The following RIOK1 variants were observed in gnomAD, a reference collection of about 807,000 sequenced individuals.
RIOK1 encodes serine/threonine-protein kinase RIO1.
RIOK1 carries 66 observed loss-of-function variants against 73.5 expected under a neutral mutation model. The observed-to-expected ratio is 0.90, with a 90% CI of 0.74 to 1.10. The LOEUF (loss-of-function observed/expected upper bound fraction) is 1.10, where lower values mean the gene tolerates loss of function less well. Ranked by LOEUF, RIOK1 falls within the 50% of genes least tolerant of loss-of-function variation. The pLI, the probability that RIOK1 is intolerant of heterozygous loss-of-function variation, is 0.00. For missense variants in RIOK1, 658 were observed against 699.8 expected, an observed-to-expected ratio of 0.94 and a Z score of 0.67; for synonymous variants, 224 against 226.8, an observed-to-expected ratio of 0.99 and a Z score of 0.11.
chr6:7,402,955 T>C, intron 8 of RIOK1, 58 bp downstream of exon 8: 1 of 1,484,536 alleles, frequency 6.7e-7, no homozygotes, highest in South Asian at 1.2e-5. Flanking sequence ...ACATCAGCCC[T>C]TCCTCCCAGC....
At chr6:7,398,069 G>A (rs939001768) in intron 4 of RIOK1, among the ~76,000 whole-genome samples, 1 of 152,208 alleles carries the variant, frequency 6.6e-6, no homozygotes, top group African/African-American at 2.4e-5. Context: ...GTGAACCCGG[G>A]AGGCAGAGCT....
chr6:7,392,016 CAT>C (rs1183598735), intron 1 of RIOK1, among the ~76,000 whole-genome samples: 3 of 152,276 alleles, frequency 2.0e-5, no homozygotes, highest in Non-Finnish European at 4.4e-5. Context: ...GCTGGTATCT[CAT>C]ATTATCAGCT....
chr6:7,404,380 T>A, intron 9 of RIOK1, 38 bp from the exon 10 acceptor site: 1 of 1,610,668 alleles, frequency 6.2e-7, no homozygotes. Flanking sequence ...CAAGAAAACT[T>A]GTTCTTGGTC....
At chr6:7,402,943 G>A (rs1228199413) in intron 8 of RIOK1, 46 bp downstream of exon 8, 2 of 1,541,070 alleles carry the variant, frequency 1.3e-6, no homozygotes, top group East Asian at 2.3e-5. Context: ...CCCTGTACAT[G>A]AACATCAGCC....
At chr6:7,416,905 C>T (rs972723962) in intron 16 of RIOK1, among the ~76,000 whole-genome samples, 1 of 152,148 alleles carries the variant, frequency 6.6e-6, no homozygotes, top group Non-Finnish European at 1.5e-5. Context: ...TTACATTACA[C>T]TCACTTTTAT....
rs1284306116 is a variant in RIOK1 at position 7,417,725 on chromosome 6, A to G, written c.*284A>G. 1 of 192,364 alleles carries G rather than the reference A, an allele frequency of 5.2e-6. No homozygotes were observed. The highest frequency in any genetic ancestry group is 1.1e-5 in the Non-Finnish European group (1 of 90,586). The allele number at this position is 192,364 out of a possible 1,614,324, so 11.9% of individuals were successfully genotyped here. On this transcript the variant is annotated 3_prime_UTR_variant, in exon 17 of 17. Coordinates refer to ENST00000379834, the MANE Select transcript of RIOK1 (RefSeq NM_031480.3). ...TATTTTTATATTTTTTTCTCTTACA[A>G]ATATGTTTTTGGAAGCATGATAAAT...
chr6:7,410,004 C>T (rs375310903), intron 12 of RIOK1, among the ~76,000 whole-genome samples: 2 of 152,168 alleles, frequency 1.3e-5, no homozygotes, highest in East Asian at 1.9e-4. Context: ...CAATTCCCTT[C>T]GCCGACTGCT....
chr6:7,393,365 G>A, intron 2 of RIOK1, 62 bp downstream of exon 2: 1 of 1,373,036 alleles, frequency 7.3e-7, no homozygotes, highest in Non-Finnish European at 1.0e-6. Context: ...TTTTTAAAAG[G>A]CTGTTTTGTG....
Position 7,398,736 on chromosome 6 carries a change from A to C in RIOK1, c.476A>C (p.Glu159Ala). The C allele has an allele frequency of 6.2e-7, 1 of 1,610,790 alleles. No homozygotes were observed. Among genetic ancestry groups the C allele is most frequent in the South Asian group, 1.1e-5 (1 of 90,564 alleles). Residue 159 changes from glutamate (E) to alanine (A), a missense_variant, in exon 5 of 17, where the codon GAA becomes GCA. Coordinates refer to ENST00000379834, the MANE Select transcript of RIOK1 (RefSeq NM_031480.3). ...GATAAGGCAGACAGAGCAACTGTAG[A>C]ACAGGTACAATTTAAATGTGTTGCA... is the stretch of plus-strand genomic sequence containing the variant. ...IKDKADRATV[E>A]QVLDPRTRMI...
At chr6:7,410,587 A>G in intron 13 of RIOK1, 136 bp downstream of exon 13, 1 of 616,846 alleles carries the variant, frequency 1.6e-6, no homozygotes, top group Non-Finnish European at 2.9e-6. Flanking sequence ...TCCTTAAGAT[A>G]TATTATAGTA....
intron 8 of RIOK1, 88 bp from the exon 9 acceptor site, chr6:7,403,853 C>T (rs1761672141): frequency 1.2e-6 from 1 of 800,310 alleles, no homozygotes; most frequent in African/African-American, 1.7e-5. Context: ...TTCTTAACAG[C>T]AATATTAATC....
At chr6:7,394,420 C>T (rs957154963) in intron 2 of RIOK1, among the ~76,000 whole-genome samples, 2 of 152,132 alleles carry the variant, frequency 1.3e-5, no homozygotes, top group African/African-American at 2.4e-5. Flanking sequence ...GGCAACAGAG[C>T]GAGACTCTGT....
At chr6:7,390,247 C>T (rs1017002718) in intron 1 of RIOK1, among the ~76,000 whole-genome samples, 174 bp downstream of exon 1, 1 of 152,188 alleles carries the variant, frequency 6.6e-6, no homozygotes, top group Non-Finnish European at 1.5e-5. Flanking sequence ...TCCCAGTTCA[C>T]GCGGCAGAGT....
chr6:7,413,045 A>T (rs1203203088), intron 15 of RIOK1, 103 bp downstream of exon 15: 8 of 559,578 alleles, frequency 1.4e-5, no homozygotes, highest in African/African-American at 1.4e-4. Context: ...TATTAGAACT[A>T]AATGTTATTT....
At chr6:7,412,285 C>T (rs1444868415) in intron 14 of RIOK1, among the ~76,000 whole-genome samples, 6 of 151,278 alleles carry the variant, frequency 4.0e-5, no homozygotes, top group African/African-American at 7.3e-5. Flanking sequence ...CACTTGAACC[C>T]GGGAGGCGGA....
chr6:7,412,362 A>G (rs972292211), intron 14 of RIOK1, among the ~76,000 whole-genome samples: 2 of 147,508 alleles, frequency 1.4e-5, no homozygotes, highest in Non-Finnish European at 3.0e-5. Context: ...CTCTGTCTCA[A>G]AAAAAAAAAA....
intron 9 of RIOK1, 143 bp downstream of exon 9, chr6:7,404,170 T>G (rs1411378885): frequency 1.3e-6 from 1 of 754,562 alleles, no homozygotes; most frequent in Non-Finnish European, 2.2e-6. Flanking sequence ...TATCAATGTA[T>G]TCTACCTTTT....
chr6:7,400,547 T>C (rs1033827791), intron 5 of RIOK1, among the ~76,000 whole-genome samples: 2 of 152,232 alleles, frequency 1.3e-5, no homozygotes, highest in Non-Finnish European at 2.9e-5. Flanking sequence ...CAGGTTGAAA[T>C]GATAGCGTTT....
rs916442093 is a variant in RIOK1 at position 7,390,047 on chromosome 6, A to G, written c.45A>G (p.Gln15=). Residue 15 remains glutamine, a synonymous_variant, in exon 1 of 17, where the codon CAA becomes CAG. Transcript: ENST00000379834. ...TCATGAGCCGGGTGGTCCCCGGGCA[A>G]TTCGACGACGCGGACTCCTCTGACA... The part of the protein sequence containing the change: ...RLLMSRVVPG[Q]FDDADSSDSE... The G allele has an allele frequency of 6.4e-6, 10 of 1,559,826 alleles. No individual in the cohort carries two copies. The highest frequency in any genetic ancestry group is 1.4e-5 in the African/African-American group (1 of 73,338).
Sources: allele counts gnomAD v4.1 joint callset (sites outside exome capture counted in the v4.1 genomes callset), GRCh38; gene constraint gnomAD v4.1.1; transcripts MANE v1.5; gene names NCBI Gene and HGNC (gene_info 2026-07-23, HGNC 2026-07-21).